ANKRD30A: variants seen among roughly 807,000 people sequenced by gnomAD.
ANKRD30A encodes ankyrin repeat domain-containing protein 30A.
In ANKRD30A, 170 loss-of-function variants were observed where a neutral mutation model predicts 166.3. The observed-to-expected ratio is 1.02, with a 90% CI of 0.90 to 1.16. The LOEUF is 1.16. ANKRD30A is among the 50% of genes most tolerant of loss of function. The pLI is 0.00. For synonymous variants in ANKRD30A, 564 were observed against 508.9 expected (o/e 1.11, Z -1.46); for missense variants, 1,630 against 1,518.0 (o/e 1.07, Z -1.23).
At chr10:37,227,576 T>C (rs544332782) in intron 34 of ANKRD30A, among the ~76,000 whole-genome samples, 1 of 152,112 alleles carries the variant, frequency 6.6e-6, no homozygotes, top group African/African-American at 2.4e-5. Flanking sequence ...TTATCATACA[T>C]GATAAAAGTT....
intron 7 of ANKRD30A, among the ~76,000 whole-genome samples, chr10:37,143,744 G>A (rs1564480551): frequency 6.8e-6 from 1 of 147,540 alleles, no homozygotes; most frequent in Non-Finnish European, 1.5e-5. Context: ...GATAATGTGT[G>A]AGCAAACAGG....
intron 34 of ANKRD30A, among the ~76,000 whole-genome samples, chr10:37,220,891 A>G (rs1842868122): frequency 6.6e-6 from 1 of 151,200 alleles, no homozygotes; most frequent in Non-Finnish European, 1.5e-5. Context: ...CCTTTGAAAT[A>G]AAAATACTTT....
intron 34 of ANKRD30A, among the ~76,000 whole-genome samples, chr10:37,228,514 A>T (rs1843263944): frequency 6.6e-6 from 1 of 152,016 alleles, no homozygotes; most frequent in South Asian, 2.1e-4. Context: ...TGAAGATTTT[A>T]CTTCTATGAA....
At chr10:37,194,245 A>G (rs1245202898) in intron 27 of ANKRD30A, among the ~76,000 whole-genome samples, 2 of 152,080 alleles carry the variant, frequency 1.3e-5, no homozygotes, top group Admixed American at 6.6e-5. Flanking sequence ...GTTATAGACT[A>G]TGTGTAGAAT....
intron 8 of ANKRD30A, among the ~76,000 whole-genome samples, chr10:37,146,620 T>G (rs1222968851): frequency 6.6e-6 from 1 of 152,158 alleles, no homozygotes; most frequent in Non-Finnish European, 1.5e-5. Context: ...TGTAAACAGT[T>G]GTGACTATGG....
In ANKRD30A at chr10:37,136,813, A is replaced by ATGTG. The variant is rs1554807834; in HGVS notation, c.820+158_820+161dup. 332 of 272,134 alleles carry ATGTG rather than the reference A, an allele frequency of 1.2e-3. 1 individual carries two copies. Among genetic ancestry groups the ATGTG allele is most frequent in the African/African-American group, 6.1e-3 (253 of 41,570 alleles). The allele number at this position is 272,134 out of a possible 1,614,324, so 16.9% of individuals were successfully genotyped here. On this transcript the variant is annotated intron_variant, in intron 6 of 35. Coordinates refer to ENST00000361713, the MANE Select transcript of ANKRD30A (RefSeq NM_052997.3). ...CATATATGTGGGTGTGGGTGTGTGT[A>ATGTG]TGTGTGTGTGTGTGTGTGTATATAT...
At chr10:37,262,422 T>A in the ANKRD30A span, 1 of 153,942 alleles carries the variant, frequency 6.5e-6, no homozygotes, top group South Asian at 2.1e-4. Context: ...GGATTTCTCA[T>A]GGAAAGTGAA....
intron 30 of ANKRD30A, 98 bp downstream of exon 30, chr10:37,199,886 C>T (rs1841483536): frequency 7.8e-6 from 5 of 644,190 alleles, no homozygotes; most frequent in Non-Finnish European, 1.3e-5. Context: ...CTGCATATGT[C>T]ACCCGCAAAT....
chr10:37,223,011 A>T (rs1351073340), intron 34 of ANKRD30A, among the ~76,000 whole-genome samples: 1 of 151,474 alleles, frequency 6.6e-6, no homozygotes, highest in Non-Finnish European at 1.5e-5. Context: ...TTGACATAAT[A>T]AAGTTTTATT....
At chr10:37,200,205 C>G (rs556034693) in intron 30 of ANKRD30A, among the ~76,000 whole-genome samples, 1 of 151,920 alleles carries the variant, frequency 6.6e-6, no homozygotes, top group East Asian at 1.9e-4. Flanking sequence ...AAAGTTGGGA[C>G]CTGAAAAGTT....
At chr10:37,154,939 ATGT>A (rs1310929567) in intron 13 of ANKRD30A, among the ~76,000 whole-genome samples, 1 of 152,164 alleles carries the variant, frequency 6.6e-6, no homozygotes, top group Non-Finnish European at 1.5e-5. Context: ...GTATGTATGT[ATGT>A]TGTTGATATT....
intron 24 of ANKRD30A, chr10:37,178,619 A>T (rs1839921103): frequency 1.0e-6 from 1 of 965,328 alleles, no homozygotes; most frequent in South Asian, 4.8e-5. Context: ...AATTTTGAGG[A>T]TGTTTTTAGT....
intron 6 of ANKRD30A, among the ~76,000 whole-genome samples, chr10:37,141,042 G>T (rs1564475974): frequency 6.6e-6 from 1 of 152,070 alleles, no homozygotes; most frequent in Non-Finnish European, 1.5e-5. Context: ...AAGGTACTAA[G>T]CATCTTCCTT....
At chr10:37,236,606 A>G (rs1447904152), downstream of ANKRD30A, among the ~76,000 whole-genome samples, 1 of 152,166 alleles carries the variant, frequency 6.6e-6, no homozygotes, top group African/African-American at 2.4e-5. Context: ...TCACATGGAA[A>G]CTTGAAGTCA....
At chr10:37,193,938 T>G (rs1486270296) in intron 27 of ANKRD30A, among the ~76,000 whole-genome samples, 6 of 152,150 alleles carry the variant, frequency 3.9e-5, no homozygotes, top group African/African-American at 7.2e-5. Context: ...CACGTGCCTG[T>G]AATGATAGCA....
chr10:37,215,990 G>T (rs1387846021), intron 31 of ANKRD30A, among the ~76,000 whole-genome samples, 191 bp from the exon 32 acceptor site: 2 of 149,582 alleles, frequency 1.3e-5, no homozygotes, highest in Non-Finnish European at 1.5e-5. Flanking sequence ...TTGCTTTTCA[G>T]TATATTTTAA....
At chr10:37,236,179 A>G (rs574305165), downstream of ANKRD30A, among the ~76,000 whole-genome samples, 7 of 152,006 alleles carry the variant, frequency 4.6e-5, no homozygotes, top group African/African-American at 7.2e-5. Flanking sequence ...TTATGTAGCC[A>G]TCTTGGTGGG....
At chr10:37,214,021 C>T (rs1439684286) in intron 31 of ANKRD30A, among the ~76,000 whole-genome samples, 1 of 151,464 alleles carries the variant, frequency 6.6e-6, no homozygotes, top group African/African-American at 2.4e-5. Flanking sequence ...AATTTTAGAC[C>T]ACACTTGGGC....
intron 6 of ANKRD30A, among the ~76,000 whole-genome samples, chr10:37,138,437 G>C (rs1836865415): frequency 6.6e-6 from 1 of 152,102 alleles, no homozygotes; most frequent in Non-Finnish European, 1.5e-5. Context: ...CTGAGCTAAA[G>C]GAGGAAGTTC....
Sources: allele counts gnomAD v4.1 joint callset (sites outside exome capture counted in the v4.1 genomes callset), GRCh38; gene constraint gnomAD v4.1.1; transcripts MANE v1.5; gene names NCBI Gene and HGNC (gene_info 2026-07-23, HGNC 2026-07-21).